ZBTB20: variants seen among roughly 807,000 people sequenced by gnomAD.
ZBTB20 encodes zinc finger and BTB domain-containing protein 20.
Under a neutral mutation model 56.9 loss-of-function variants are expected in ZBTB20, and 9 were observed. That is an observed-to-expected ratio of 0.16 (90% CI 0.10 to 0.28). The LOEUF is 0.28. Ranked by LOEUF, ZBTB20 falls within the 10% of genes least tolerant of loss-of-function variation. The probability of loss-of-function intolerance (pLI) is 1.00; values close to 1 mark genes in which losing one functional copy is unlikely to be tolerated. For missense variants in ZBTB20, 655 were observed against 1,003.0 expected (o/e 0.65, Z 4.69); for synonymous variants, 417 against 420.7 (o/e 0.99, Z 0.11).
intron 5 of ZBTB20, among the ~76,000 whole-genome samples, chr3:114,778,516 CTA>C (rs2069810230): frequency 6.6e-6 from 1 of 152,072 alleles, no homozygotes; most frequent in South Asian, 2.1e-4. Flanking sequence ...CACCTGAACT[CTA>C]TGATTCTTCT....
chr3:115,026,175 A>G (rs2080414283), intron 2 of ZBTB20, among the ~76,000 whole-genome samples: 1 of 150,906 alleles, frequency 6.6e-6, no homozygotes. Flanking sequence ...CAAGAAATAG[A>G]GAAAACTGAA....
Position 114,503,014 on chromosome 3 carries a change from A to G in ZBTB20, c.-294-2623T>C, listed in dbSNP as rs373063950. The G allele has an allele frequency of 4.3e-4, 66 of 152,326 alleles. No individual in the cohort carries two copies. The South Asian group carries it at 0.013, about 31-fold the overall frequency. The allele number at this position is 152,326 out of a possible 1,614,324, so 9.4% of individuals were successfully genotyped here. On this transcript the variant is annotated intron_variant, in intron 6 of 11. Coordinates refer to ENST00000675478, the MANE Select transcript of ZBTB20 (RefSeq NM_001348800.3). ...AGTGTTTATGTTCTTATATCTAAAC[A>G]CATAACTTTCTTTTCTAAATTTCAA...
chr3:114,875,438 C>T (rs561738538), intron 4 of ZBTB20, among the ~76,000 whole-genome samples: 1 of 152,156 alleles, frequency 6.6e-6, no homozygotes, highest in South Asian at 2.1e-4. Context: ...ATATCCATAC[C>T]AGTTACCAAA....
chr3:114,716,819 T>A (rs1157785600), intron 5 of ZBTB20, among the ~76,000 whole-genome samples: 1 of 152,038 alleles, frequency 6.6e-6, no homozygotes, highest in Admixed American at 6.6e-5. Flanking sequence ...TTCTGTATTA[T>A]GAAGAAATGA....
chr3:115,039,819 T>C (rs920008149), intron 2 of ZBTB20, among the ~76,000 whole-genome samples: 2 of 152,050 alleles, frequency 1.3e-5, no homozygotes, highest in Admixed American at 6.6e-5. Flanking sequence ...TGGGGACATG[T>C]TGGTCAAAGG....
intron 1 of ZBTB20, among the ~76,000 whole-genome samples, chr3:115,082,398 GTGTCTGGATCA>G (rs1289344827): frequency 6.6e-6 from 1 of 152,122 alleles, no homozygotes; most frequent in Non-Finnish European, 1.5e-5. Context: ...GAGTGTGCGC[GTGTCTGGATCA>G]TATCTACATT....
At chr3:114,842,682 G>C (rs2074435082) in intron 4 of ZBTB20, among the ~76,000 whole-genome samples, 1 of 152,208 alleles carries the variant, frequency 6.6e-6, no homozygotes, top group Non-Finnish European at 1.5e-5. Context: ...AATGGTTGAA[G>C]TTGACTGTCT....
chr3:115,057,305 T>C (rs2081838997), intron 2 of ZBTB20, among the ~76,000 whole-genome samples: 1 of 152,080 alleles, frequency 6.6e-6, no homozygotes, highest in Non-Finnish European at 1.5e-5. Context: ...TAGTTGAGTA[T>C]TCAATGTTCC....
chr3:114,793,596 G>A (rs201081244), intron 5 of ZBTB20, among the ~76,000 whole-genome samples: 1 of 151,968 alleles, frequency 6.6e-6, no homozygotes, highest in Non-Finnish European at 1.5e-5. Context: ...ACCTCTCAAC[G>A]CACTCTCTCT....
intron 7 of ZBTB20, among the ~76,000 whole-genome samples, chr3:114,442,027 T>C (rs1212447968): frequency 6.6e-6 from 1 of 151,550 alleles, no homozygotes; most frequent in Admixed American, 6.6e-5. Flanking sequence ...TTGGTGGGGG[T>C]TGTTGGGGGC....
rs185268209 is a variant in ZBTB20 at position 115,042,468 on chromosome 3, T to C, written c.-507+28751A>G. On this transcript the variant is annotated intron_variant, in intron 2 of 11. Coordinates refer to ENST00000675478, the MANE Select transcript of ZBTB20 (RefSeq NM_001348800.3). ...AAAGAATAGAGCTCATTTTAAAACA[T>C]CTTTATTTATTTGTGCAACAGTGAG... Among the ~76,000 whole-genome samples the C allele has an allele frequency of 2.9e-3, 440 of 152,294 alleles. 1 individual carries two copies. Among genetic ancestry groups the C allele is most frequent in the African/African-American group, 0.01 (418 of 41,578 alleles).
chr3:114,387,802 G>T (rs2085338310), intron 8 of ZBTB20: 1 of 152,200 alleles, frequency 6.6e-6, no homozygotes, highest in Non-Finnish European at 1.5e-5. Context: ...GGTGTGGACT[G>T]AAGAAACTAT....
chr3:114,664,399 C>T (rs1456480994), intron 6 of ZBTB20, among the ~76,000 whole-genome samples: 1 of 152,028 alleles, frequency 6.6e-6, no homozygotes, highest in African/African-American at 2.4e-5. Flanking sequence ...AGAAGGAGAA[C>T]AGGATTAAAC....
chr3:115,080,519 T>C (rs1053333010), intron 1 of ZBTB20, among the ~76,000 whole-genome samples: 3 of 152,168 alleles, frequency 2.0e-5, no homozygotes, highest in African/African-American at 7.2e-5. Context: ...CTGTTTAGTA[T>C]AGTAAGGCTG....
chr3:115,141,848 A>G (rs937836114), intron 1 of ZBTB20, among the ~76,000 whole-genome samples: 5 of 152,210 alleles, frequency 3.3e-5, no homozygotes, highest in African/African-American at 1.2e-4. Flanking sequence ...ACAAATATGA[A>G]TATTAATAAA....
At chr3:114,803,581 A>G (rs564026058) in intron 4 of ZBTB20, among the ~76,000 whole-genome samples, 1 of 151,924 alleles carries the variant, frequency 6.6e-6, no homozygotes, top group African/African-American at 2.4e-5. Context: ...TTTGATATGA[A>G]TAGTGCTCCT....
intron 2 of ZBTB20, among the ~76,000 whole-genome samples, chr3:115,010,614 T>C (rs2079660952): frequency 6.6e-6 from 1 of 151,950 alleles, no homozygotes; most frequent in Non-Finnish European, 1.5e-5. Flanking sequence ...CTAAAGTAGA[T>C]ATTTCTTAGA....
At chr3:114,694,431 C>A (rs894210285) in intron 5 of ZBTB20, among the ~76,000 whole-genome samples, 1 of 152,028 alleles carries the variant, frequency 6.6e-6, no homozygotes, top group Admixed American at 6.6e-5. Context: ...CCCAATATCA[C>A]TACCACAATG....
chr3:114,721,799 G>A (rs919424698), intron 5 of ZBTB20, among the ~76,000 whole-genome samples: 29 of 152,096 alleles, frequency 1.9e-4, no homozygotes, highest in Non-Finnish European at 2.8e-4. Context: ...CAATAAATTC[G>A]TGGGATTCTT....
Sources: allele counts gnomAD v4.1 joint callset (sites outside exome capture counted in the v4.1 genomes callset), GRCh38; gene constraint gnomAD v4.1.1; transcripts MANE v1.5; gene names NCBI Gene and HGNC (gene_info 2026-07-23, HGNC 2026-07-21).